The following LNX1 variants were observed in gnomAD, a reference collection of about 807,000 sequenced individuals.
LNX1 encodes E3 ubiquitin-protein ligase LNX.
LNX1 carries 54 observed loss-of-function variants against 68.4 expected under a neutral mutation model. The ratio of observed to expected loss-of-function variants is 0.79; its 90% CI spans 0.63 to 0.99. The LOEUF (loss-of-function observed/expected upper bound fraction) is 0.99. Among genes scored for constraint, LNX1 ranks in the 50% least tolerant of loss-of-function variants. LNX1 has a pLI of 0.00. For missense variants in LNX1, 906 were observed against 926.4 expected (o/e 0.98, Z 0.29); for synonymous variants, 336 against 350.0 (o/e 0.96, Z 0.45).
Position 53,574,767 on chromosome 4 carries a change from T to C in LNX1, c.-86-679A>G, listed in dbSNP as rs145771836. Among the ~76,000 whole-genome samples the C allele has an allele frequency of 1.2e-4, 18 of 152,354 alleles. No homozygotes were observed. The East Asian group carries it at 2.9e-3, about 24-fold the overall frequency. ...ATGGGGATAATCACAGGCTACTTCA[T>C]AGAACTCTTGTGAGGATGAAATGAG... On this transcript the variant is annotated intron_variant, in intron 1 of 10. Coordinates refer to ENST00000263925, the MANE Select transcript of LNX1 (RefSeq NM_001126328.3).
At chr4:53,544,103 T>C (rs371791414) in intron 2 of LNX1, among the ~76,000 whole-genome samples, 8 of 152,330 alleles carry the variant, frequency 5.3e-5, no homozygotes, top group African/African-American at 7.2e-5. Context: ...CTAGCTGTCA[T>C]TGGGCTTTTA....
chr4:53,630,936 C>A (rs1577813202), intron 1 of LNX1, among the ~76,000 whole-genome samples: 1 of 152,294 alleles, frequency 6.6e-6, no homozygotes, highest in East Asian at 1.9e-4. Flanking sequence ...GCATGGGAAC[C>A]ATCCACCAGG....
intron 4 of LNX1, 42 bp from the exon 5 acceptor site, chr4:53,498,885 T>G: frequency 6.9e-7 from 1 of 1,457,820 alleles, no homozygotes; most frequent in South Asian, 1.1e-5. Context: ...ACCCACCCAA[T>G]GGACCTTTCC....
intron 2 of LNX1, chr4:53,603,889 C>T (rs1733122182): frequency 6.6e-6 from 1 of 152,216 alleles, no homozygotes; most frequent in Admixed American, 6.5e-5. Context: ...TCTGTTCTGA[C>T]TGGTCAGAGT....
intron 2 of LNX1, among the ~76,000 whole-genome samples, chr4:53,603,193 C>T (rs536878683): frequency 1.3e-5 from 2 of 152,306 alleles, no homozygotes; most frequent in Admixed American, 6.5e-5. Context: ...GGCCGTGGGG[C>T]CATGGAGGAC....
intron 1 of LNX1, among the ~76,000 whole-genome samples, chr4:53,575,374 C>G (rs186522542): frequency 5.3e-5 from 8 of 152,310 alleles, no homozygotes; most frequent in Admixed American, 6.5e-5. Flanking sequence ...TTTCAACATG[C>G]TTGCTTTGCA....
Position 53,460,442 on chromosome 4 carries a change from C to T in LNX1, c.*465G>A. ...AAGTAATCTTAATTAGTATCACATACTAAAAGACAACTATAACTTCTGAAA... is the reference window on the plus strand; with the variant it reads ...AAGTAATCTTAATTAGTATCACATATTAAAAGACAACTATAACTTCTGAAA... On this transcript the variant is annotated 3_prime_UTR_variant, in exon 11 of 11. Transcript: ENST00000263925. 5.2e-6 allele frequency: 1 copy of T among 191,248 alleles called. No homozygotes were observed. 11.8% of individuals were successfully genotyped at this position (191,248 alleles called of 1,614,324 possible). A position where few individuals can be genotyped will look rare whatever the true frequency, so the allele number is the denominator to read the frequency against.
At chr4:53,613,960 T>G (rs1426319403) in intron 2 of LNX1, among the ~76,000 whole-genome samples, 1 of 144,426 alleles carries the variant, frequency 6.9e-6, no homozygotes, top group Non-Finnish European at 1.5e-5. Context: ...CTCCACAACC[T>G]CACCAGCATC....
intron 2 of LNX1, among the ~76,000 whole-genome samples, chr4:53,526,841 A>C (rs752882051): frequency 9.9e-5 from 15 of 151,978 alleles, no homozygotes; most frequent in Non-Finnish European, 1.9e-4. Context: ...TTAATGGTTG[A>C]AACTCTGTCT....
chr4:53,605,222 T>C (rs1333385166), intron 2 of LNX1, among the ~76,000 whole-genome samples: 4 of 152,226 alleles, frequency 2.6e-5, no homozygotes, highest in African/African-American at 9.6e-5. Context: ...AATTGTGTTG[T>C]ATGGTAGCCA....
At chr4:53,596,179 A>T (rs551281308), upstream of LNX1, among the ~76,000 whole-genome samples, 10 of 152,328 alleles carry the variant, frequency 6.6e-5, no homozygotes, top group East Asian at 1.7e-3. Flanking sequence ...AATCACAAAC[A>T]TCAGCTGATG....
chr4:53,649,546 G>A (rs551385713), intron 1 of LNX1, among the ~76,000 whole-genome samples: 2 of 152,310 alleles, frequency 1.3e-5, no homozygotes, highest in East Asian at 3.9e-4. Flanking sequence ...GCACCTGTCT[G>A]GACAGCTCCT....
In LNX1 at chr4:53,546,008, T is replaced by C. The variant is rs35518541; in HGVS notation, c.380+27615A>G. Among the ~76,000 whole-genome samples, 7 of 151,912 alleles carry C rather than the reference T, an allele frequency of 4.6e-5. No individual in the cohort carries two copies. In the South Asian group the frequency reaches 8.3e-4, roughly 18 times the overall value. The stretch of plus-strand genomic sequence containing the variant: ...TTTTAGTAAAGACAGGGTTTCACCA[T>C]GTTGGCCAGGCTGGTCTCAAACTCC... On this transcript the variant is annotated intron_variant, in intron 2 of 10. Coordinates refer to ENST00000263925, the MANE Select transcript of LNX1 (RefSeq NM_001126328.3).
intron 4 of LNX1, among the ~76,000 whole-genome samples, chr4:53,504,558 T>C (rs1295911613): frequency 6.6e-6 from 1 of 152,288 alleles, no homozygotes; most frequent in Non-Finnish European, 1.5e-5. Flanking sequence ...GTAGCACTTT[T>C]AATTCCCTTC....
At chr4:53,588,910 G>C (rs1021256980) in intron 1 of LNX1, among the ~76,000 whole-genome samples, 1 of 152,096 alleles carries the variant, frequency 6.6e-6, no homozygotes, top group Non-Finnish European at 1.5e-5. Flanking sequence ...GTCACCCAAG[G>C]GCACAGGGTA....
chr4:53,638,888 G>A (rs897785722), intron 1 of LNX1, among the ~76,000 whole-genome samples: 1 of 152,192 alleles, frequency 6.6e-6, no homozygotes, highest in Non-Finnish European at 1.5e-5. Flanking sequence ...CTATTGGTGG[G>A]AAGGCAAATT....
At chr4:53,484,499 G>T (rs1486412632) in intron 6 of LNX1, among the ~76,000 whole-genome samples, 1 of 151,914 alleles carries the variant, frequency 6.6e-6, no homozygotes, top group Non-Finnish European at 1.5e-5. Context: ...GAGGGTGGAG[G>T]TTGCAGCGAA....
intron 1 of LNX1, among the ~76,000 whole-genome samples, chr4:53,588,440 G>A (rs1157341056): frequency 6.6e-6 from 1 of 152,176 alleles, no homozygotes; most frequent in African/African-American, 2.4e-5. Context: ...AGGTCACACA[G>A]GTAGCACATG....
chr4:53,598,897 A>C (rs1379031170), intron 2 of LNX1, among the ~76,000 whole-genome samples: 1 of 152,224 alleles, frequency 6.6e-6, no homozygotes, highest in African/African-American at 2.4e-5. Context: ...TATGACAAAG[A>C]TGGAAAGAAT....
Sources: gnomAD v4.1 joint callset for allele counts (sites outside exome capture counted in the v4.1 genomes callset) on GRCh38, gnomAD v4.1.1 for gene constraint, MANE v1.5 for transcripts, NCBI Gene and HGNC (gene_info 2026-07-23, HGNC 2026-07-21) for gene names.